The following GRID2 variants were observed in gnomAD, a reference collection of about 807,000 sequenced individuals.
GRID2 encodes glutamate ionotropic receptor delta type subunit 2, also known as glutamate receptor ionotropic, delta-2.
Under a neutral mutation model 114.8 loss-of-function variants are expected in GRID2, and 33 were observed. The observed-to-expected ratio is 0.29, with a 90% CI of 0.22 to 0.38. The LOEUF is 0.38. Among genes scored for constraint, GRID2 ranks in the 10% least tolerant of loss-of-function variants. The pLI is 1.00. For synonymous variants in GRID2, 505 were observed against 449.9 expected, an observed-to-expected ratio of 1.12 and a Z score of -1.55; for missense variants, 1,184 against 1,257.7, an observed-to-expected ratio of 0.94 and a Z score of 0.89.
At chr4:92,999,083 G>A (rs1755382034) in intron 2 of GRID2, among the ~76,000 whole-genome samples, 1 of 151,656 alleles carries the variant, frequency 6.6e-6, no homozygotes, top group African/African-American at 2.4e-5. Context: ...TGTTTTTAAT[G>A]TACTATTTTT....
intron 1 of GRID2, among the ~76,000 whole-genome samples, chr4:92,574,107 C>G (rs1407577535): frequency 6.6e-6 from 1 of 151,904 alleles, no homozygotes; most frequent in Admixed American, 6.6e-5. Flanking sequence ...TCTGTTTTGT[C>G]AGAAACTAGG....
chr4:93,073,328 A>G (rs1728974435), intron 2 of GRID2, among the ~76,000 whole-genome samples: 1 of 152,194 alleles, frequency 6.6e-6, no homozygotes, highest in African/African-American at 2.4e-5. Flanking sequence ...ATGTAAACTT[A>G]TGGTATTGAA....
intron 2 of GRID2, among the ~76,000 whole-genome samples, chr4:92,887,527 A>C (rs1317793446): frequency 9.2e-6 from 1 of 108,996 alleles, no homozygotes; most frequent in African/African-American, 4.1e-5. Flanking sequence ...AGTGCTTTAA[A>C]ATGTCTTCTC....
intron 13 of GRID2, among the ~76,000 whole-genome samples, chr4:93,554,497 G>A (rs985155258): frequency 6.6e-6 from 1 of 152,046 alleles, no homozygotes; most frequent in African/African-American, 2.4e-5. Flanking sequence ...TGGGGTACTT[G>A]TGATATTCTG....
At chr4:93,580,515 AT>A (rs1736869024) in intron 13 of GRID2, among the ~76,000 whole-genome samples, 1 of 152,172 alleles carries the variant, frequency 6.6e-6, no homozygotes, top group Non-Finnish European at 1.5e-5. Flanking sequence ...CAAGATAGCT[AT>A]GAAAGTTGAC....
intron 2 of GRID2, among the ~76,000 whole-genome samples, chr4:92,863,362 A>G (rs576665973): frequency 6.6e-6 from 1 of 152,206 alleles, no homozygotes; most frequent in South Asian, 2.1e-4. Flanking sequence ...GAAGTTTTGA[A>G]ATAATCACTT....
chr4:93,290,707 C>A (rs1753643428), intron 8 of GRID2, among the ~76,000 whole-genome samples: 1 of 151,566 alleles, frequency 6.6e-6, no homozygotes. Flanking sequence ...TTTTTCATCC[C>A]ATCAGCATCC....
intron 1 of GRID2, among the ~76,000 whole-genome samples, chr4:92,322,282 G>T (rs1388076823): frequency 6.6e-6 from 1 of 151,168 alleles, no homozygotes; most frequent in African/African-American, 2.4e-5. Flanking sequence ...TGTTTGCTAG[G>T]GCTGATTCTG....
chr4:93,327,598 T>C (rs537943335), intron 8 of GRID2, among the ~76,000 whole-genome samples: 235 of 152,200 alleles, frequency 1.5e-3, no homozygotes, highest in African/African-American at 5.3e-3. Context: ...GCAACATGGA[T>C]GGAACTGTAG....
intron 2 of GRID2, among the ~76,000 whole-genome samples, chr4:92,829,473 C>CT (rs907082770): frequency 1.3e-5 from 2 of 152,030 alleles, no homozygotes; most frequent in Non-Finnish European, 2.9e-5. Context: ...ATAGGAACAC[C>CT]TTTACACTGT....
intron 2 of GRID2, among the ~76,000 whole-genome samples, chr4:92,921,747 G>T (rs945588871): frequency 2.0e-5 from 3 of 152,176 alleles, no homozygotes; most frequent in Non-Finnish European, 2.9e-5. Context: ...TGAGGTGTCA[G>T]TCTGCCCCTA....
At chr4:93,343,163 TGTGTGTGTG>T (rs1759836457) in intron 8 of GRID2, among the ~76,000 whole-genome samples, 2 of 151,510 alleles carry the variant, frequency 1.3e-5, no homozygotes, top group Admixed American at 1.3e-4. Flanking sequence ...TGTGTGTGTG[TGTGTGTGTG>T]TGTGTGTGTA....
intron 14 of GRID2, among the ~76,000 whole-genome samples, chr4:93,758,161 T>A (rs763070813): frequency 2.6e-5 from 4 of 152,140 alleles, no homozygotes; most frequent in Non-Finnish European, 5.9e-5. Flanking sequence ...AGCACTTCAT[T>A]TCAGAGCTGT....
chr4:93,587,455 C>T (rs1466526963), intron 13 of GRID2, among the ~76,000 whole-genome samples: 1 of 152,070 alleles, frequency 6.6e-6, no homozygotes, highest in Non-Finnish European at 1.5e-5. Context: ...AGCAAAGTGA[C>T]ATGTACTGCT....
chr4:93,205,511 T>TATTC (rs1178330715), intron 4 of GRID2, among the ~76,000 whole-genome samples: 2 of 152,206 alleles, frequency 1.3e-5, no homozygotes, highest in East Asian at 3.9e-4. Context: ...AGCTGCATAG[T>TATTC]ATTCCATGGT....
intron 2 of GRID2, among the ~76,000 whole-genome samples, chr4:92,661,313 C>CA (rs920975292): frequency 2.0e-4 from 30 of 150,744 alleles, no homozygotes; most frequent in African/African-American, 7.0e-4. Context: ...TTAAAAGTAT[C>CA]AAAAAATCTA....
intron 14 of GRID2, among the ~76,000 whole-genome samples, chr4:93,685,208 T>C (rs1382617603): frequency 6.6e-6 from 1 of 152,116 alleles, no homozygotes; most frequent in Non-Finnish European, 1.5e-5. Context: ...TACTGGTGTC[T>C]GTACCAAGTA....
chr4:92,406,367 T>C (rs1211298340), intron 1 of GRID2, among the ~76,000 whole-genome samples: 3 of 152,160 alleles, frequency 2.0e-5, no homozygotes, highest in Non-Finnish European at 4.4e-5. Flanking sequence ...TTAAAAAAGT[T>C]ACTATCATTA....
At chr4:93,787,157 G>T (rs1357649266) in intron 1 of GRID2, among the ~76,000 whole-genome samples, 1 of 151,844 alleles carries the variant, frequency 6.6e-6, no homozygotes, top group Non-Finnish European at 1.5e-5. Context: ...GAACATGGAG[G>T]ATTGTGGGAG....
Sources: gnomAD v4.1 joint callset for allele counts (sites outside exome capture counted in the v4.1 genomes callset) on GRCh38, gnomAD v4.1.1 for gene constraint, MANE v1.5 for transcripts, NCBI Gene and HGNC (gene_info 2026-07-23, HGNC 2026-07-21) for gene names.